Variants in MPZL3 observed in about 807,000 individuals in gnomAD.
The protein encoded by MPZL3 is myelin protein zero-like protein 3.
A neutral mutation model predicts 24.8 loss-of-function variants in MPZL3; 23 were observed. The observed-to-expected ratio is 0.93, with a 90% CI of 0.67 to 1.31. The LOEUF is 1.31. MPZL3 is among the 40% of genes most tolerant of loss of function. The probability of loss-of-function intolerance (pLI) is 0.00; values close to 1 mark genes in which losing one functional copy is unlikely to be tolerated. For synonymous variants in MPZL3, 99 were observed against 106.5 expected, an observed-to-expected ratio of 0.93 and a Z score of 0.44; for missense variants, 277 against 294.9, an observed-to-expected ratio of 0.94 and a Z score of 0.44.
chr11:118,237,049 C>A lies in MPZL3; in HGVS notation c.451+1G>T. The A allele has an allele frequency of 6.2e-7, 1 of 1,613,642 alleles. No individual in the cohort carries two copies. The highest frequency in any genetic ancestry group is 1.1e-5 in the South Asian group (1 of 91,068). The stretch of plus-strand genomic sequence containing the variant: ...AAGAAGGTTGGTGGCAATGAGCTTA[C>A]CCCTTTCTGTGACTGTTAGCTCTGT... On this transcript the variant is annotated splice_donor_variant, in intron 3 of 5. Coordinates refer to ENST00000278949, the MANE Select transcript of MPZL3 (RefSeq NM_198275.3). LOFTEE classifies it high-confidence loss of function.
chr11:118,235,172 T>C (rs1386599023), intron 4 of MPZL3, among the ~76,000 whole-genome samples: 1 of 152,202 alleles, frequency 6.6e-6, no homozygotes, highest in East Asian at 1.9e-4. Context: ...ACCATGGCAC[T>C]GTACAATCTG....
chr11:118,239,585 C>T (rs1472115372), intron 2 of MPZL3, among the ~76,000 whole-genome samples: 1 of 152,078 alleles, frequency 6.6e-6, no homozygotes, highest in Admixed American at 6.5e-5. Flanking sequence ...AAACTTGGAC[C>T]ATAAATGTGT....
At chr11:118,235,126 T>C (rs1281169289) in intron 4 of MPZL3, among the ~76,000 whole-genome samples, 1 of 152,162 alleles carries the variant, frequency 6.6e-6, no homozygotes, top group Non-Finnish European at 1.5e-5. Context: ...GACCTGGAAT[T>C]GAAAGAATGA....
intron 3 of MPZL3, among the ~76,000 whole-genome samples, chr11:118,236,275 AAGAG>A (rs1321329458): frequency 6.6e-6 from 1 of 152,160 alleles, no homozygotes; most frequent in African/African-American, 2.4e-5. Context: ...AGAAAAAAGA[AAGAG>A]AGAGACAGAA....
At chr11:118,234,097 A>C (rs1949389283) in intron 4 of MPZL3, among the ~76,000 whole-genome samples, 1 of 152,226 alleles carries the variant, frequency 6.6e-6, no homozygotes, top group African/African-American at 2.4e-5. Context: ...CACATACCAT[A>C]GTGCCTGGCA....
intron 3 of MPZL3, 49 bp downstream of exon 3, chr11:118,237,001 A>G (rs774848661): frequency 5.9e-6 from 9 of 1,519,408 alleles, no homozygotes; most frequent in Middle Eastern, 1.9e-4. Flanking sequence ...AGAAAGCACC[A>G]CAGCAGTCAC....
chr11:118,240,102 G>T, intron 2 of MPZL3, 109 bp downstream of exon 2: 1 of 1,078,186 alleles, frequency 9.3e-7, no homozygotes. Context: ...TAAAGTAGAA[G>T]CCCATCTTCT....
intron 1 of MPZL3, among the ~76,000 whole-genome samples, chr11:118,243,834 G>C (rs532745484): frequency 6.6e-6 from 1 of 151,540 alleles, no homozygotes; most frequent in South Asian, 2.1e-4. Flanking sequence ...AAATACACAG[G>C]TTTCTCCCAT....
intron 3 of MPZL3, 40 bp from the exon 4 acceptor site, chr11:118,235,629 C>T (rs543446555): frequency 1.3e-6 from 2 of 1,596,572 alleles, no homozygotes; most frequent in Admixed American, 1.7e-5. Context: ...CAGGGACATG[C>T]AAATATGCCT....
At chr11:118,244,878 C>T (rs1425559501) in intron 1 of MPZL3, among the ~76,000 whole-genome samples, 1 of 152,106 alleles carries the variant, frequency 6.6e-6, no homozygotes, top group African/African-American at 2.4e-5. Context: ...AGATCGAGAC[C>T]ATCCTGGCTA....
At chr11:118,244,171 C>T (rs971032545) in intron 1 of MPZL3, among the ~76,000 whole-genome samples, 1 of 152,242 alleles carries the variant, frequency 6.6e-6, no homozygotes, top group African/African-American at 2.4e-5. Flanking sequence ...CCAAAGCTTG[C>T]ATGACAATGC....
intron 1 of MPZL3, among the ~76,000 whole-genome samples, chr11:118,250,168 A>ATTTTTTTTTTTTTTTTTTTTTT: frequency 9.6e-6 from 1 of 104,260 alleles, no homozygotes; most frequent in Non-Finnish European, 1.8e-5. Context: ...CACCTGGCTA[A>ATTTTTTTTTTTTTTTTTTTTTT]TTTTTTTTTT....
intron 2 of MPZL3, among the ~76,000 whole-genome samples, chr11:118,239,054 A>T (rs1949460561): frequency 6.6e-6 from 1 of 152,224 alleles, no homozygotes; most frequent in South Asian, 2.1e-4. Flanking sequence ...CATGTTATGT[A>T]ACTTTAATTC....
chr11:118,251,462 C>T (rs1383117802), intron 1 of MPZL3, among the ~76,000 whole-genome samples: 1 of 151,700 alleles, frequency 6.6e-6, no homozygotes, highest in Non-Finnish European at 1.5e-5. Flanking sequence ...CAGGAAGACA[C>T]ACATACACAA....
intron 4 of MPZL3, 133 bp from the exon 5 acceptor site, chr11:118,233,656 G>T: frequency 1.1e-6 from 1 of 882,588 alleles, no homozygotes. Flanking sequence ...CTGGGTGACT[G>T]GGCAAATTGT....
intron 1 of MPZL3, among the ~76,000 whole-genome samples, chr11:118,245,824 A>C (rs1949550865): frequency 6.6e-6 from 1 of 152,250 alleles, no homozygotes; most frequent in South Asian, 2.1e-4. Flanking sequence ...AATGTCTTTT[A>C]AAACAAAGTT....
chr11:118,230,933 C>T (rs1487686767), intron 5 of MPZL3, among the ~76,000 whole-genome samples: 1 of 152,194 alleles, frequency 6.6e-6, no homozygotes, highest in African/African-American at 2.4e-5. Flanking sequence ...TCCTTCTCTA[C>T]TACATAATTC....
intron 3 of MPZL3, among the ~76,000 whole-genome samples, chr11:118,236,822 A>C (rs1949431751): frequency 6.6e-6 from 1 of 152,200 alleles, no homozygotes; most frequent in African/African-American, 2.4e-5. Context: ...AAAAAGGGTA[A>C]TGGAGAAACT....
At chr11:118,243,357 C>G (rs537073247) in intron 1 of MPZL3, among the ~76,000 whole-genome samples, 22 of 152,332 alleles carry the variant, frequency 1.4e-4, no homozygotes, top group African/African-American at 4.6e-4. Context: ...CACACACATT[C>G]CTGCATCTGC....
Sources: gnomAD v4.1 joint callset for allele counts (sites outside exome capture counted in the v4.1 genomes callset) on GRCh38, gnomAD v4.1.1 for gene constraint, MANE v1.5 for transcripts, NCBI Gene and HGNC (gene_info 2026-07-23, HGNC 2026-07-21) for gene names.